Variants in RGS8 observed in about 807,000 individuals in gnomAD.
The protein encoded by RGS8 is regulator of G-protein signaling 8.
A neutral mutation model predicts 21.7 loss-of-function variants in RGS8; 8 were observed. The observed-to-expected ratio is 0.37, with a 90% CI of 0.22 to 0.66. The LOEUF (loss-of-function observed/expected upper bound fraction) is 0.66, where lower values mean the gene tolerates loss of function less well. RGS8 is among the 30% of genes least tolerant of loss of function. The pLI is 0.59. For missense variants in RGS8, 157 were observed against 217.9 expected, an observed-to-expected ratio of 0.72 and a Z score of 1.76; for synonymous variants, 80 against 83.6, an observed-to-expected ratio of 0.96 and a Z score of 0.24.
chr1:182,647,129 G>A (rs1041043019), intron 6 of RGS8, among the ~76,000 whole-genome samples: 2 of 152,210 alleles, frequency 1.3e-5, no homozygotes, highest in African/African-American at 4.8e-5. Context: ...CCAATTTATA[G>A]ACAACAATAC....
intron 5 of RGS8, among the ~76,000 whole-genome samples, chr1:182,662,690 T>C (rs982450302): frequency 6.6e-6 from 1 of 152,178 alleles, no homozygotes; most frequent in Admixed American, 6.5e-5. Context: ...AGGATTCTAT[T>C]TGGAATCTTG....
upstream of RGS8, among the ~76,000 whole-genome samples, chr1:182,689,251 ACG>A (rs1419681736): frequency 2.8e-5 from 4 of 142,092 alleles, no homozygotes; most frequent in South Asian, 8.9e-4. Flanking sequence ...GTGCACGCGC[ACG>A]CACACACACA....
chr1:182,709,078 G>T, the RGS8 span, among the ~76,000 whole-genome samples: 1 of 151,250 alleles, frequency 6.6e-6, no homozygotes, highest in Non-Finnish European at 1.5e-5. Context: ...CCTTTTCCTG[G>T]CTTTCTTTCT....
chr1:182,720,167 G>C, the RGS8 span, among the ~76,000 whole-genome samples: 1 of 152,084 alleles, frequency 6.6e-6, no homozygotes, highest in Non-Finnish European at 1.5e-5. Context: ...TCTCTTGTTT[G>C]TTTGTTTGTT....
At chr1:182,721,681 G>A in the RGS8 span, among the ~76,000 whole-genome samples, 1 of 152,286 alleles carries the variant, frequency 6.6e-6, no homozygotes, top group African/African-American at 2.4e-5. Flanking sequence ...TCCTGGTGTA[G>A]GGATGGCTTC....
At chr1:182,713,118 A>T in the RGS8 span, among the ~76,000 whole-genome samples, 2 of 152,228 alleles carry the variant, frequency 1.3e-5, no homozygotes, top group Non-Finnish European at 2.9e-5. Context: ...TCACTCGAAG[A>T]TACATATAAT....
chr1:182,685,312 A>G (rs1177846906), upstream of RGS8, among the ~76,000 whole-genome samples: 1 of 152,198 alleles, frequency 6.6e-6, no homozygotes, highest in Non-Finnish European at 1.5e-5. Context: ...GAGAGTCAGG[A>G]CAAAACCTCT....
At chr1:182,719,401 C>T in the RGS8 span, among the ~76,000 whole-genome samples, 4 of 151,460 alleles carry the variant, frequency 2.6e-5, no homozygotes, top group South Asian at 8.3e-4. Context: ...AAAGTAGACA[C>T]ATGAATTGTT....
chr1:182,642,517 A>G (rs1193150819), downstream of RGS8: 2 of 152,256 alleles, frequency 1.3e-5, no homozygotes, highest in Non-Finnish European at 2.9e-5. Flanking sequence ...AGTAGACACC[A>G]TGTTAGCGGC....
chr1:182,665,101 G>A (rs1435108502), intron 5 of RGS8, among the ~76,000 whole-genome samples: 1 of 152,156 alleles, frequency 6.6e-6, no homozygotes, highest in East Asian at 1.9e-4. Flanking sequence ...GCAGCCCTCT[G>A]TTCCCAGATC....
At chr1:182,710,284 G>T in the RGS8 span, among the ~76,000 whole-genome samples, 1 of 152,122 alleles carries the variant, frequency 6.6e-6, no homozygotes, top group East Asian at 1.9e-4. Flanking sequence ...GTGGGTTTCA[G>T]TTTCCTGCTG....
At chr1:182,652,996 A>G (rs962955697) in intron 5 of RGS8, among the ~76,000 whole-genome samples, 11 of 152,208 alleles carry the variant, frequency 7.2e-5, no homozygotes, top group African/African-American at 2.7e-4. Flanking sequence ...ATTTAATAGT[A>G]ATACAGCTGA....
intron 5 of RGS8, among the ~76,000 whole-genome samples, chr1:182,657,098 C>T (rs1468288997): frequency 6.6e-6 from 1 of 151,786 alleles, no homozygotes; most frequent in Non-Finnish European, 1.5e-5. Context: ...CACCCACCCC[C>T]CTGGCCCACC....
chr1:182,749,863 T>C, the RGS8 span, among the ~76,000 whole-genome samples: 2 of 151,652 alleles, frequency 1.3e-5, no homozygotes, highest in East Asian at 1.9e-4. Context: ...ATTAGTTATT[T>C]GTCCTGATGC....
chr1:182,723,425 C>A, the RGS8 span, among the ~76,000 whole-genome samples: 1 of 152,228 alleles, frequency 6.6e-6, no homozygotes, highest in African/African-American at 2.4e-5. Flanking sequence ...CTACATGGGC[C>A]TGGCTCCACA....
At chr1:182,675,256 CT>C (rs1248169484), upstream of RGS8, among the ~76,000 whole-genome samples, 4 of 152,296 alleles carry the variant, frequency 2.6e-5, no homozygotes, top group East Asian at 5.8e-4. Flanking sequence ...GCTTCTTTTT[CT>C]CCATTCCCTT....
chr1:182,678,896 C>T (rs1427678990), intron 1 of RGS8, among the ~76,000 whole-genome samples: 1 of 152,140 alleles, frequency 6.6e-6, no homozygotes, highest in Admixed American at 6.5e-5. Flanking sequence ...CCTGTCCCAT[C>T]AAGATCATCA....
At chr1:182,737,736 G>T in the RGS8 span, among the ~76,000 whole-genome samples, 1 of 152,122 alleles carries the variant, frequency 6.6e-6, no homozygotes, top group Non-Finnish European at 1.5e-5. Context: ...AACCATACAA[G>T]ATAACATTCA....
upstream of RGS8, among the ~76,000 whole-genome samples, chr1:182,688,357 G>A (rs533791504): frequency 1.4e-5 from 2 of 147,370 alleles, no homozygotes; most frequent in Non-Finnish European, 1.5e-5. Context: ...TCTCTCGCTC[G>A]CTCTCTCTCT....
Sources: allele counts gnomAD v4.1 joint callset (sites outside exome capture counted in the v4.1 genomes callset), GRCh38; gene constraint gnomAD v4.1.1; transcripts MANE v1.5; gene names NCBI Gene and HGNC (gene_info 2026-07-23, HGNC 2026-07-21).